Variants in WWC2 observed in about 807,000 individuals in gnomAD.
WWC2 encodes the protein WW and C2 domain containing 2.
A neutral mutation model predicts 138.5 loss-of-function variants in WWC2; 101 were observed. The observed-to-expected ratio is 0.73, with a 90% confidence interval of 0.62 to 0.86. The LOEUF is 0.86. Ranked by LOEUF, WWC2 falls within the 40% of genes least tolerant of loss-of-function variation. The probability of loss-of-function intolerance (pLI) is 0.00; values close to 1 mark genes in which losing one functional copy is unlikely to be tolerated. For synonymous variants in WWC2, 558 were observed against 538.4 expected (o/e 1.04, Z -0.50); for missense variants, 1,420 against 1,419.4 (o/e 1.00, Z -0.01).
rs190282708 is a variant in WWC2 at position 183,275,425 on chromosome 4, A to G, written c.2562+4184A>G. 2.2e-4 allele frequency among the ~76,000 whole-genome samples: 33 copies of G among 152,280 alleles called. No homozygotes were observed. The East Asian group carries it at 5.8e-3, about 27-fold the overall frequency. On this transcript the variant is annotated intron_variant, in intron 16 of 22. Transcript: ENST00000403733. ...AGCTTTCAGCCTTTCACCATTAAGT[A>G]TGAATTTGGCTGTGGCTTTTTCATA...
intron 9 of WWC2, among the ~76,000 whole-genome samples, chr4:183,254,400 C>T (rs1376232178): frequency 5.3e-5 from 8 of 152,284 alleles, no homozygotes; most frequent in Admixed American, 1.3e-4. Flanking sequence ...AGTCATTTCA[C>T]GAGGAAAAGA....
At chr4:183,267,875 A>G (rs1199844421) in intron 14 of WWC2, among the ~76,000 whole-genome samples, 1 of 152,236 alleles carries the variant, frequency 6.6e-6, no homozygotes. Flanking sequence ...TAAACATGAC[A>G]GCTAGTATGA....
chr4:183,274,936 C>T (rs912610052), intron 16 of WWC2, among the ~76,000 whole-genome samples: 1 of 152,074 alleles, frequency 6.6e-6, no homozygotes, highest in Non-Finnish European at 1.5e-5. Context: ...TATTCAAAAT[C>T]CTTTCTTGTA....
chr4:183,108,573 A>G (rs571478189), intron 1 of WWC2, among the ~76,000 whole-genome samples: 8 of 152,272 alleles, frequency 5.3e-5, no homozygotes, highest in Admixed American at 5.2e-4. Context: ...ACATTAGGTG[A>G]AAACTAAGGA....
At chr4:183,208,527 G>A (rs1735507630) in intron 3 of WWC2, among the ~76,000 whole-genome samples, 2 of 152,286 alleles carry the variant, frequency 1.3e-5, no homozygotes, top group East Asian at 3.9e-4. Context: ...TGTAATTTCT[G>A]TTGACCATCT....
At chr4:183,133,058 T>G (rs1732984510) in intron 1 of WWC2, among the ~76,000 whole-genome samples, 1 of 151,668 alleles carries the variant, frequency 6.6e-6, no homozygotes, top group African/African-American at 2.4e-5. Flanking sequence ...CCTTTTTTCC[T>G]TTTCTTTTTC....
At chr4:183,200,193 A>C (rs1228907266) in intron 2 of WWC2, among the ~76,000 whole-genome samples, 1 of 149,908 alleles carries the variant, frequency 6.7e-6, no homozygotes, top group East Asian at 2.0e-4. Context: ...CTGATAGTTT[A>C]TTATCATCAT....
At chr4:183,260,831 T>A (rs377620018) in intron 10 of WWC2, 79 bp from the exon 11 acceptor site, 68 of 1,523,606 alleles carry the variant, frequency 4.5e-5, no homozygotes, top group South Asian at 1.4e-4. Flanking sequence ...CCTCTGCAGA[T>A]CTGAAGGAGC....
intron 4 of WWC2, among the ~76,000 whole-genome samples, chr4:183,215,532 T>C (rs1213933529): frequency 1.3e-5 from 2 of 152,220 alleles, no homozygotes; most frequent in African/African-American, 4.8e-5. Context: ...TGCTAGTAAC[T>C]TGAAATAATT....
At chr4:183,201,141 G>C (rs1226229141) in intron 2 of WWC2, among the ~76,000 whole-genome samples, 1 of 152,164 alleles carries the variant, frequency 6.6e-6, no homozygotes, top group African/African-American at 2.4e-5. Flanking sequence ...CTTATTGACT[G>C]ATCTCTGCCC....
intron 1 of WWC2, among the ~76,000 whole-genome samples, chr4:183,118,076 G>A (rs971994927): frequency 6.6e-6 from 1 of 152,210 alleles, no homozygotes; most frequent in African/African-American, 2.4e-5. Flanking sequence ...GGGATTACAG[G>A]AGTGAGCCAC....
At chr4:183,117,827 G>T (rs556630010) in intron 1 of WWC2, among the ~76,000 whole-genome samples, 27 of 148,252 alleles carry the variant, frequency 1.8e-4, no homozygotes, top group African/African-American at 5.5e-4. Flanking sequence ...TCGCTCTGTC[G>T]CCCAGGCTGG....
At chr4:183,212,993 AAAG>A (rs1241841897) in intron 4 of WWC2, among the ~76,000 whole-genome samples, 1 of 152,232 alleles carries the variant, frequency 6.6e-6, no homozygotes, top group East Asian at 1.9e-4. Context: ...TCCCTCACAA[AAAG>A]AAGACAAGAT....
chr4:183,283,530 A>G (rs1403078637), intron 18 of WWC2, among the ~76,000 whole-genome samples: 1 of 152,260 alleles, frequency 6.6e-6, no homozygotes, highest in Non-Finnish European at 1.5e-5. Flanking sequence ...TTATGCCCTG[A>G]GAACTTCCTT....
intron 21 of WWC2, among the ~76,000 whole-genome samples, chr4:183,310,684 T>TTC (rs1739182277): frequency 1.3e-5 from 2 of 150,638 alleles, no homozygotes; most frequent in Admixed American, 1.3e-4. Context: ...TTTTTTTTTT[T>TTC]CATAGAGAGA....
chr4:183,265,772 A>G lies in WWC2; in HGVS notation c.2120+4A>G. 6.2e-7 allele frequency: 1 copy of G among 1,610,784 alleles called. No homozygotes were observed. The highest frequency in any genetic ancestry group is 8.5e-7 in the Non-Finnish European group (1 of 1,178,396). ...CCCAGGTTCAGATAGGACTCAGGTA[A>G]GGAATGTACGTGGGAAAGGAGCAGT... On this transcript the variant is annotated splice_donor_region_variant and intron_variant, in intron 13 of 22. Coordinates refer to ENST00000403733, the MANE Select transcript of WWC2 (RefSeq NM_024949.6).
chr4:183,105,929 T>A (rs1055723007), intron 1 of WWC2, among the ~76,000 whole-genome samples: 5 of 151,904 alleles, frequency 3.3e-5, no homozygotes, highest in Non-Finnish European at 7.4e-5. Context: ...CTTTATGCAT[T>A]TCTAAACTCC....
chr4:183,218,848 C>T (rs548819123), intron 4 of WWC2, among the ~76,000 whole-genome samples: 3 of 152,316 alleles, frequency 2.0e-5, no homozygotes, highest in Non-Finnish European at 4.4e-5. Flanking sequence ...GGAGGGCAAT[C>T]TGTATACTCA....
At chr4:183,286,719 C>T (rs1320221979) in intron 20 of WWC2, among the ~76,000 whole-genome samples, 3 of 152,130 alleles carry the variant, frequency 2.0e-5, no homozygotes, top group East Asian at 1.9e-4. Flanking sequence ...ATGTGTGGTT[C>T]GGTGACTACA....
Sources: allele counts gnomAD v4.1 joint callset (sites outside exome capture counted in the v4.1 genomes callset), GRCh38; gene constraint gnomAD v4.1.1; transcripts MANE v1.5; gene names NCBI Gene and HGNC (gene_info 2026-07-23, HGNC 2026-07-21).